The following LPIN1 variants were observed in gnomAD, a reference collection of about 807,000 sequenced individuals.
LPIN1 encodes phosphatidate phosphatase LPIN1.
In LPIN1, 71 loss-of-function variants were observed where a neutral mutation model predicts 107.5. The observed-to-expected ratio is 0.66, with a 90% confidence interval of 0.55 to 0.80. LPIN1 has a LOEUF of 0.80. Among genes scored for constraint, LPIN1 ranks in the 30% least tolerant of loss-of-function variants. The pLI is 0.00. For missense variants in LPIN1, 1,043 were observed against 1,160.6 expected, an observed-to-expected ratio of 0.90 and a Z score of 1.47; for synonymous variants, 445 against 452.6, an observed-to-expected ratio of 0.98 and a Z score of 0.21.
intron 1 of LPIN1, among the ~76,000 whole-genome samples, chr2:11,759,354 G>A (rs1291917710): frequency 2.0e-5 from 3 of 151,974 alleles, no homozygotes; most frequent in African/African-American, 7.3e-5. Context: ...TGTGTCCCTG[G>A]GTACTTGAGA....
intron 1 of LPIN1, among the ~76,000 whole-genome samples, chr2:11,679,112 C>T (rs1434106598): frequency 6.6e-6 from 1 of 152,224 alleles, no homozygotes; most frequent in Non-Finnish European, 1.5e-5. Context: ...GACTCTCTCG[C>T]CAGCCTGAGA....
At chr2:11,781,073 A>G (rs1673495762) in intron 7 of LPIN1, among the ~76,000 whole-genome samples, 1 of 152,240 alleles carries the variant, frequency 6.6e-6, no homozygotes, top group South Asian at 2.1e-4. Context: ...TCCTTAGAAG[A>G]TGCTATAGCC....
At chr2:11,749,609 A>C (rs1336401402) in intron 1 of LPIN1, among the ~76,000 whole-genome samples, 1 of 152,076 alleles carries the variant, frequency 6.6e-6, no homozygotes, top group Non-Finnish European at 1.5e-5. Flanking sequence ...GCTGACCCAG[A>C]CCCAGGCTGA....
intron 1 of LPIN1, among the ~76,000 whole-genome samples, chr2:11,730,724 A>G (rs1283756499): frequency 6.6e-6 from 1 of 152,040 alleles, no homozygotes; most frequent in African/African-American, 2.4e-5. Flanking sequence ...CTAGGTTTGA[A>G]GTTCATTGTT....
chr2:11,824,557 C>CT, intron 20 of LPIN1, 75 bp from the exon 21 acceptor site: 1 of 1,496,504 alleles, frequency 6.7e-7, no homozygotes, highest in East Asian at 2.3e-5. Context: ...GTAGATCTCT[C>CT]TTGACTTCTA....
chr2:11,732,163 C>T (rs1665301873), intron 1 of LPIN1, among the ~76,000 whole-genome samples: 1 of 152,120 alleles, frequency 6.6e-6, no homozygotes, highest in African/African-American at 2.4e-5. Context: ...TAATATCTTG[C>T]AATATGTGCA....
intron 1 of LPIN1, among the ~76,000 whole-genome samples, chr2:11,748,560 G>T (rs567550839): frequency 6.6e-6 from 1 of 152,300 alleles, no homozygotes; most frequent in South Asian, 2.1e-4. Context: ...TGGTTGTTAT[G>T]ATTTTAAAGT....
chr2:11,715,392 G>A (rs1286116445), intron 2 of LPIN1, among the ~76,000 whole-genome samples: 3 of 152,212 alleles, frequency 2.0e-5, no homozygotes, highest in Non-Finnish European at 4.4e-5. Flanking sequence ...GAGGCGCCAA[G>A]CAGGAGGCTC....
At chr2:11,726,650 A>T (rs1381669963) in intron 1 of LPIN1, among the ~76,000 whole-genome samples, 2 of 152,056 alleles carry the variant, frequency 1.3e-5, no homozygotes, top group Non-Finnish European at 2.9e-5. Context: ...CAATCATGTG[A>T]TAGTAGGCAT....
chr2:11,788,311 CTACTT>C (rs1041183619), intron 11 of LPIN1, 71 bp from the exon 12 acceptor site: 1 of 1,149,172 alleles, frequency 8.7e-7, no homozygotes, highest in Middle Eastern at 1.9e-4. Flanking sequence ...CTTTCCTTGA[CTACTT>C]TATATGACAT....
In LPIN1 at chr2:11,768,753, G is replaced by T. The variant is rs191558245; in HGVS notation, c.288+895G>T. Among the ~76,000 whole-genome samples, 41 of 152,130 alleles carry T rather than the reference G, an allele frequency of 2.7e-4. No individual in the cohort carries two copies. In the East Asian group the frequency reaches 7.7e-3, roughly 29 times the overall value. On this transcript the variant is annotated intron_variant, in intron 3 of 20. Transcript: ENST00000674199. The stretch of plus-strand genomic sequence containing the variant: ...AGATAGAGACCATCCTGGCTAAGAC[G>T]GTGAAACCCCATCCCTACTAAAAAT...
intron 1 of LPIN1, among the ~76,000 whole-genome samples, chr2:11,754,998 C>T (rs1290689372): frequency 6.8e-6 from 1 of 147,338 alleles, no homozygotes; most frequent in Non-Finnish European, 1.5e-5. Context: ...TTTTTTGAGA[C>T]GGAGTCACCC....
At chr2:11,819,433 C>T (rs2148731628) in intron 18 of LPIN1, 51 bp from the exon 19 acceptor site, 1 of 1,187,404 alleles carries the variant, frequency 8.4e-7, no homozygotes. Flanking sequence ...CAGTTTGATG[C>T]TAAAGGAAGC....
chr2:11,798,407 T>C (rs1478447104), intron 14 of LPIN1, among the ~76,000 whole-genome samples: 2 of 152,144 alleles, frequency 1.3e-5, no homozygotes, highest in African/African-American at 2.4e-5. Context: ...CTCTTACTCC[T>C]TCTAGACATA....
At chr2:11,699,327 C>A (rs1011156597) in intron 1 of LPIN1, among the ~76,000 whole-genome samples, 1 of 152,156 alleles carries the variant, frequency 6.6e-6, no homozygotes, top group African/African-American at 2.4e-5. Flanking sequence ...GAGGATAAGT[C>A]CTTACATGTA....
At chr2:11,680,199 G>A (rs1661638405) in intron 1 of LPIN1, among the ~76,000 whole-genome samples, 2 of 152,198 alleles carry the variant, frequency 1.3e-5, no homozygotes, top group South Asian at 2.1e-4. Context: ...AGGGCTGGCT[G>A]GCTTCTGGGA....
At chr2:11,773,509 G>T (rs1432368033) in intron 4 of LPIN1, 111 bp from the exon 5 acceptor site, 1 of 923,782 alleles carries the variant, frequency 1.1e-6, no homozygotes, top group Non-Finnish European at 1.7e-6. Context: ...GGTGTTTAAA[G>T]AGATCATGTT....
At chr2:11,744,653 C>CA (rs1355538045), upstream of LPIN1, among the ~76,000 whole-genome samples, 1 of 152,168 alleles carries the variant, frequency 6.6e-6, no homozygotes, top group Non-Finnish European at 1.5e-5. Flanking sequence ...TTATTTTACA[C>CA]AAAAAATAAA....
At chr2:11,690,573 T>C (rs1662219378) in intron 1 of LPIN1, among the ~76,000 whole-genome samples, 1 of 152,208 alleles carries the variant, frequency 6.6e-6, no homozygotes, top group Non-Finnish European at 1.5e-5. Flanking sequence ...TTCTCCTTTC[T>C]GGCACGATTA....
Sources: gnomAD v4.1 joint callset for allele counts (sites outside exome capture counted in the v4.1 genomes callset) on GRCh38, gnomAD v4.1.1 for gene constraint, MANE v1.5 for transcripts, NCBI Gene and HGNC (gene_info 2026-07-23, HGNC 2026-07-21) for gene names.